Variants in TACR2 observed in about 807,000 individuals in gnomAD.
TACR2 encodes the protein tachykinin receptor 2, also known as substance-K receptor.
TACR2 carries 24 observed loss-of-function variants against 28.9 expected under a neutral mutation model. That is an observed-to-expected ratio of 0.83 (90% confidence interval 0.60 to 1.17). TACR2 has a LOEUF of 1.17. Among genes scored for constraint, TACR2 ranks in the 50% most tolerant of loss-of-function variants. The probability of loss-of-function intolerance (pLI) is 0.00; values close to 1 mark genes in which losing one functional copy is unlikely to be tolerated. For synonymous variants in TACR2, 222 were observed against 212.6 expected (o/e 1.04, Z -0.38); for missense variants, 487 against 524.4 (o/e 0.93, Z 0.70).
Position 69,409,034 on chromosome 10 carries a change from A to G in TACR2, c.629T>C (p.Leu210Pro). ...GCTGTAGGCTACAAACATCACCGCGAGCGGCAGGAAGTAGATGAGGGCGAT... is the reference window on the plus strand; with the variant it reads ...GCTGTAGGCTACAAACATCACCGCGGGCGGCAGGAAGTAGATGAGGGCGAT... ...VVIALIYFLP[L>P]AVMFVAYSVI... Residue 210 changes from leucine to proline, a missense_variant, in exon 3 of 5, where the codon CTC (leucine) becomes CCC (proline). By Grantham distance (98) the Leu-to-Pro change is moderately conservative. Transcript: ENST00000373306. The G allele has an allele frequency of 6.2e-7, 1 of 1,607,298 alleles. No individual in the cohort carries two copies. Among genetic ancestry groups the G allele is most frequent in the Non-Finnish European group, 8.5e-7 (1 of 1,178,354 alleles).
chr10:69,413,392 G>A (rs922269781), intron 2 of TACR2, among the ~76,000 whole-genome samples: 79 of 152,328 alleles, frequency 5.2e-4, no homozygotes, highest in Non-Finnish European at 7.4e-4. Context: ...TGTTCTCAGA[G>A]AGCTGGCACG....
chr10:69,414,222 T>C (rs1227959), intron 2 of TACR2, among the ~76,000 whole-genome samples: 150,543 of 152,306 alleles, frequency 0.99, 74,439 homozygotes, highest in East Asian at 1. Flanking sequence ...GCCTCCAGCC[T>C]GTGATGCCCA....
Position 69,414,978 on chromosome 10 carries a change from C to G in TACR2, c.554G>C (p.Trp185Ser). ...DQGATKCVVA[W>S]PEDSGGKTLL... ...CGTCTTGCCCCCGCTGTCTTCGGGC[C>G]AGGCCACCACGCACTTGGTGGCACC... is the stretch of plus-strand genomic sequence containing the variant. The change falls in exon 2 of 5, where the codon TGG (tryptophan) becomes TCG (serine). Residue 185 changes from tryptophan (W) to serine (S), a missense_variant. Physicochemically the swap from Trp to Ser is radical, Grantham distance 177. Coordinates refer to ENST00000373306, the MANE Select transcript of TACR2 (RefSeq NM_001057.3). The G allele has an allele frequency of 6.2e-7, 1 of 1,613,348 alleles. No individual in the cohort carries two copies.
chr10:69,416,389 G>T lies in TACR2; in HGVS notation c.-66C>A, dbSNP rs1840620021. The T allele has an allele frequency of 3.3e-6, 5 of 1,527,676 alleles. No individual in the cohort carries two copies. Among genetic ancestry groups the T allele is most frequent in the Non-Finnish European group, 4.4e-6 (5 of 1,137,830 alleles). 94.6% of individuals were successfully genotyped at this position (1,527,676 alleles called of 1,614,324 possible). The stretch of plus-strand genomic sequence containing the variant: ...CTCCTCTCGGATTTGCTATGAAAGA[G>T]AACTCCCCTTCAGAGCATGGGAATA... On this transcript the variant is annotated 5_prime_UTR_variant, in exon 1 of 5. Transcript: ENST00000373306.
chr10:69,410,028 G>A lies in TACR2; in HGVS notation c.588-953C>T, dbSNP rs113306961. On this transcript the variant is annotated intron_variant, in intron 2 of 4. Transcript: ENST00000373306. Reference sequence around the variant, plus strand: ...CATCGCTATGGAGGCATGGGACAGTGGAAAAGCGCCATATATCACATGCTG... The same window carrying A: ...CATCGCTATGGAGGCATGGGACAGTAGAAAAGCGCCATATATCACATGCTG... Among the ~76,000 whole-genome samples the A allele has an allele frequency of 8.2e-3, 1,230 of 150,916 alleles. 16 individuals are homozygous for A. The highest frequency in any genetic ancestry group is 0.028 in the African/African-American group (1,142 of 41,112).
chr10:69,413,874 G>C (rs1840588528), intron 2 of TACR2, among the ~76,000 whole-genome samples: 1 of 152,200 alleles, frequency 6.6e-6, no homozygotes, highest in Non-Finnish European at 1.5e-5. Context: ...TTCTGTGCCA[G>C]GCATGGTGCT....
chr10:69,411,952 C>T (rs1840572597), intron 2 of TACR2, among the ~76,000 whole-genome samples: 1 of 152,130 alleles, frequency 6.6e-6, no homozygotes, highest in Non-Finnish European at 1.5e-5. Context: ...CTGCCTCAGC[C>T]TCCCAAGTAG....
Position 69,407,268 on chromosome 10 carries a change from T to C in TACR2, c.754A>G (p.Met252Val), listed in dbSNP as rs1564580036. The C allele has an allele frequency of 3.1e-6, 5 of 1,612,008 alleles. No homozygotes were observed. The highest frequency in any genetic ancestry group is 1.1e-5 in the South Asian group (1 of 90,910). Reference protein sequence around the residue: ...LQAMKKFVKTMVLVVLTFAIC... With the variant: ...LQAMKKFVKTVVLVVLTFAIC... ...GCAAACGTCAGCACCACCAGCACCA[T>C]GGTCTTCACAAACTGGTCCAGGAGA... The change falls in exon 4 of 5, where the codon ATG becomes GTG. Residue 252 changes from methionine (M) to valine (V), a missense_variant. Transcript: ENST00000373306.
chr10:69,411,999 T>C lies in TACR2; in HGVS notation c.588-2924A>G, dbSNP rs570022440. ...GGTGCCTGCCACCACGCCCTACTAA[T>C]TTTTGTATTTTTAGTAGAGACAGGG... On this transcript the variant is annotated intron_variant, in intron 2 of 4. Transcript: ENST00000373306. 3.1e-4 allele frequency among the ~76,000 whole-genome samples: 47 copies of C among 152,244 alleles called. No homozygotes were observed. The South Asian group carries it at 8.3e-3, about 27-fold the overall frequency.
intron 2 of TACR2, among the ~76,000 whole-genome samples, chr10:69,409,880 T>G (rs528452523): frequency 3.0e-5 from 1 of 33,558 alleles, no homozygotes; most frequent in South Asian, 1.3e-3. Context: ...TATATATATA[T>G]ACATATATAC....
chr10:69,409,163 C>T, intron 2 of TACR2, 88 bp from the exon 3 acceptor site: 1 of 1,342,632 alleles, frequency 7.4e-7, no homozygotes. Flanking sequence ...CCCGCGGGCA[C>T]TGTGGAGCCG....
At position 69,409,051 on chromosome 10, in the gene TACR2, G is replaced by A; in HGVS notation, c.612C>T (p.Leu204=). 2 of 1,606,016 alleles carry A rather than the reference G, an allele frequency of 1.2e-6. No homozygotes were observed. The highest frequency in any genetic ancestry group is 2.3e-5 in the East Asian group (1 of 43,594). ...LLLYHLVVIA[L]IYFLPLAVMF... ...TCACCGCGAGCGGCAGGAAGTAGAT[G>A]AGGGCGATCACCACGAGGTGGTACC... The change falls in exon 3 of 5, where the codon CTC becomes CTT. Residue 204 remains leucine (L), a synonymous_variant. Coordinates refer to ENST00000373306, the MANE Select transcript of TACR2 (RefSeq NM_001057.3).
chr10:69,409,248 G>T, intron 2 of TACR2, 173 bp from the exon 3 acceptor site: 1 of 581,922 alleles, frequency 1.7e-6, no homozygotes. Context: ...GCATTGGGTA[G>T]CCTGTGTGCC....
At chr10:69,415,801 T>C in intron 1 of TACR2, 131 bp downstream of exon 1, 3 of 1,101,044 alleles carry the variant, frequency 2.7e-6, no homozygotes, top group Non-Finnish European at 2.6e-6. Flanking sequence ...TTTTGGACCA[T>C]GACCAGATTT....
intron 2 of TACR2, among the ~76,000 whole-genome samples, chr10:69,411,821 G>C (rs1248448656): frequency 2.6e-5 from 4 of 152,016 alleles, no homozygotes; most frequent in Non-Finnish European, 5.9e-5. Context: ...TGAATGCTAA[G>C]GGAGACTGAT....
In TACR2 at chr10:69,404,212, C is replaced by G. The variant is rs1342305875; in HGVS notation, c.*614G>C. The G allele has an allele frequency of 6.6e-6, 1 of 152,146 alleles. No homozygotes were observed. Among genetic ancestry groups the G allele is most frequent in the East Asian group, 1.9e-4 (1 of 5,200 alleles). The allele number at this position is 152,146 out of a possible 1,614,324, so 9.4% of individuals were successfully genotyped here. A position where few individuals can be genotyped will look rare whatever the true frequency, so the allele number is the denominator to read the frequency against. ...ATCAGCTTACACTGTCTTTTCTGAC[C>G]CTTACTGGATCCTCTGAAGTGCTCT... On this transcript the variant is annotated 3_prime_UTR_variant, in exon 5 of 5. Coordinates refer to ENST00000373306, the MANE Select transcript of TACR2 (RefSeq NM_001057.3).
intron 1 of TACR2, 43 bp downstream of exon 1, chr10:69,415,889 T>G: frequency 6.3e-7 from 1 of 1,597,196 alleles, no homozygotes; most frequent in Non-Finnish European, 8.6e-7. Context: ...GAGCCCCGGC[T>G]CAGTGGGGAG....
At chr10:69,407,789 G>T (rs961882714) in intron 3 of TACR2, among the ~76,000 whole-genome samples, 2 of 152,160 alleles carry the variant, frequency 1.3e-5, no homozygotes, top group Non-Finnish European at 2.9e-5. Flanking sequence ...CCTCCTCAGA[G>T]CCTGGCCCCT....
chr10:69,409,172 C>T, intron 2 of TACR2, 97 bp from the exon 3 acceptor site: 2 of 1,312,698 alleles, frequency 1.5e-6, no homozygotes, highest in Non-Finnish European at 9.9e-7. Flanking sequence ...ACTGTGGAGC[C>T]GCCCCTGCGG....
Sources: allele counts gnomAD v4.1 joint callset (sites outside exome capture counted in the v4.1 genomes callset), GRCh38; gene constraint gnomAD v4.1.1; transcripts MANE v1.5; gene names NCBI Gene and HGNC (gene_info 2026-07-23, HGNC 2026-07-21).